The following CEACAM21 variants were observed in gnomAD, a reference collection of about 807,000 sequenced individuals.
CEACAM21 encodes CEA cell adhesion molecule 21.
In CEACAM21, 38 loss-of-function variants were observed where a neutral mutation model predicts 33.2. The observed-to-expected ratio is 1.14, with a 90% CI of 0.88 to 1.50. CEACAM21 has a LOEUF of 1.50. Among genes scored for constraint, CEACAM21 ranks in the 40% most tolerant of loss-of-function variants. CEACAM21 has a pLI of 0.00. For synonymous variants in CEACAM21, 156 were observed against 143.0 expected, an observed-to-expected ratio of 1.09 and a Z score of -0.65; for missense variants, 385 against 364.6, an observed-to-expected ratio of 1.06 and a Z score of -0.46.
intron 1 of CEACAM21, chr19:41,553,800 G>A (rs1027131093): frequency 5.9e-5 from 9 of 152,046 alleles, no homozygotes; most frequent in African/African-American, 2.2e-4. Flanking sequence ...ATTCCTTAAA[G>A]GAAAGCACAG....
intron 3 of CEACAM21, among the ~76,000 whole-genome samples, chr19:41,582,555 T>C (rs908269346): frequency 2.0e-5 from 3 of 152,256 alleles, no homozygotes; most frequent in Admixed American, 6.5e-5. Flanking sequence ...AGCATTTTCA[T>C]ACATCCTCTG....
intron 2 of CEACAM21, among the ~76,000 whole-genome samples, chr19:41,571,160 G>A (rs2042588076): frequency 6.6e-6 from 1 of 152,110 alleles, no homozygotes; most frequent in Admixed American, 6.5e-5. Context: ...GTCCCCTAGA[G>A]GGCAAAATTT....
chr19:41,555,794 TG>T (rs1429530042), intron 1 of CEACAM21, among the ~76,000 whole-genome samples: 1 of 152,318 alleles, frequency 6.6e-6, no homozygotes, highest in East Asian at 1.9e-4. Flanking sequence ...CTTTAAACTG[TG>T]TCCAAACTGC....
Position 41,579,686 on chromosome 19 carries a change from G to C in CEACAM21, c.700+58G>C, listed in dbSNP as rs901148110. 12 of 1,238,830 alleles carry C rather than the reference G, an allele frequency of 9.7e-6. No homozygotes were observed. The Admixed American group carries it at 1.8e-4, about 19-fold the overall frequency. The allele number at this position is 1,238,830 out of a possible 1,614,324, so 76.7% of individuals were successfully genotyped here. A position where few individuals can be genotyped will look rare whatever the true frequency, so the allele number is the denominator to read the frequency against. On this transcript the variant is annotated intron_variant, in intron 3 of 6. Transcript: ENST00000401445. ...CTTGTATATTTTCCTAGGAGGGAGG[G>C]GGGGTGTAAAATGATACACGGAATG...
upstream of CEACAM21, among the ~76,000 whole-genome samples, chr19:41,572,920 A>C (rs1472783129): frequency 6.6e-6 from 1 of 152,124 alleles, no homozygotes; most frequent in Non-Finnish European, 1.5e-5. Context: ...GGGACCCTCA[A>C]CATCAATCTG....
chr19:41,585,591 T>C (rs2070675373), intron 5 of CEACAM21, 96 bp downstream of exon 5: 6 of 1,348,336 alleles, frequency 4.4e-6, no homozygotes, highest in East Asian at 2.3e-5. Context: ...TCTGACCCTA[T>C]CCCTGGGGCT....
At chr19:41,553,862 T>C (rs2041374908) in intron 1 of CEACAM21, 1 of 152,114 alleles carries the variant, frequency 6.6e-6, no homozygotes, top group South Asian at 2.1e-4. Flanking sequence ...TTGTGTCCTG[T>C]TACCAAAGAA....
intron 3 of CEACAM21, among the ~76,000 whole-genome samples, chr19:41,583,312 T>G (rs2070453898): frequency 6.6e-6 from 1 of 152,198 alleles, no homozygotes; most frequent in Non-Finnish European, 1.5e-5. Flanking sequence ...CTATCAGCGT[T>G]TTAATCAAAA....
At position 41,577,477 on chromosome 19, in the gene CEACAM21, A is replaced by G. The variant is rs782654747; in HGVS notation, c.342A>G (p.Leu114=). Reference sequence around the variant, plus strand: ...ATCTGCATTTCCAGAACGTCACCCTAGAGGACACGGGATACTACAACCTAC... The same window carrying G: ...ATCTGCATTTCCAGAACGTCACCCTGGAGGACACGGGATACTACAACCTAC... ...SGDLHFQNVT[L]EDTGYYNLQV... is the part of the protein sequence containing the mutation. Residue 114 remains leucine, a synonymous_variant, in exon 2 of 7, where the codon CTA becomes CTG. Coordinates refer to ENST00000401445, the MANE Select transcript of CEACAM21 (RefSeq NM_001098506.4). 8.1e-6 allele frequency: 13 copies of G among 1,613,922 alleles called. No homozygotes were observed. Among genetic ancestry groups the G allele is most frequent in the Non-Finnish European group, 1.1e-5 (13 of 1,180,020 alleles).
chr19:41,586,068 C>A (rs1195591700), intron 6 of CEACAM21, 197 bp downstream of exon 6: 7 of 623,618 alleles, frequency 1.1e-5, no homozygotes, highest in Non-Finnish European at 1.7e-5. Flanking sequence ...CACCCTGGGA[C>A]CCTCCATCAC....
At position 41,579,606 on chromosome 19, in the gene CEACAM21, C is replaced by T; in HGVS notation, c.678C>T (p.Asp226=). 1 of 1,564,746 alleles carries T rather than the reference C, an allele frequency of 6.4e-7. No homozygotes were observed. Residue 226 remains aspartate (D), a synonymous_variant, in exon 3 of 7, where the codon GAC becomes GAT. Coordinates refer to ENST00000401445, the MANE Select transcript of CEACAM21 (RefSeq NM_001098506.4). The part of the protein sequence containing the change: ...VSNPVSSNRS[D]PLKLTVKSDD... Reference sequence around the variant, plus strand: ...ACCCAGTCAGCTCCAACAGGAGCGACCCCCTCAAGCTGACTGTAAAATGTG... The same window carrying T: ...ACCCAGTCAGCTCCAACAGGAGCGATCCCCTCAAGCTGACTGTAAAATGTG...
chr19:41,564,451 CTCAA>C (rs1555787756), intron 1 of CEACAM21, among the ~76,000 whole-genome samples: 2 of 152,088 alleles, frequency 1.3e-5, no homozygotes, highest in Non-Finnish European at 1.5e-5. Flanking sequence ...AGGTGTGCGC[CTCAA>C]TCTCCCCACC....
intron 2 of CEACAM21, among the ~76,000 whole-genome samples, chr19:41,570,075 C>G (rs2042505569): frequency 6.6e-6 from 1 of 152,180 alleles, no homozygotes; most frequent in Admixed American, 6.5e-5. Context: ...CGGCAGTCAC[C>G]CTGGTGCCAC....
At chr19:41,555,657 C>A (rs73933660) in intron 1 of CEACAM21, among the ~76,000 whole-genome samples, 1,565 of 151,396 alleles carry the variant, frequency 0.01, 31 homozygotes, top group African/African-American at 0.036. Flanking sequence ...CCAAGCCACA[C>A]AATTTTTCCA....
At chr19:41,554,832 T>C (rs1439636691) in intron 1 of CEACAM21, 1 of 152,116 alleles carries the variant, frequency 6.6e-6, no homozygotes, top group Non-Finnish European at 1.5e-5. Context: ...TCAACTTTAG[T>C]CAATATGTTT....
intron 1 of CEACAM21, among the ~76,000 whole-genome samples, chr19:41,558,956 C>T (rs530355146): frequency 1.3e-5 from 2 of 152,262 alleles, no homozygotes; most frequent in South Asian, 2.1e-4. Context: ...ATCATGTATT[C>T]ATTGGTTTGG....
At chr19:41,569,896 G>T (rs112148385) in intron 2 of CEACAM21, among the ~76,000 whole-genome samples, 1 of 152,096 alleles carries the variant, frequency 6.6e-6, no homozygotes, top group Middle Eastern at 3.2e-3. Flanking sequence ...CATTCCTGGC[G>T]TCCTCCCACA....
Position 41,581,230 on chromosome 19 carries a change from C to T in CEACAM21, c.700+1602C>T, listed in dbSNP as rs549622336. Reference sequence around the variant, plus strand: ...ACCGCTTAAAGGCGTTCTTAAGCCACAAACAATAGCATGAGCAATCTGCAT... The same window carrying T: ...ACCGCTTAAAGGCGTTCTTAAGCCATAAACAATAGCATGAGCAATCTGCAT... On this transcript the variant is annotated intron_variant, in intron 3 of 6. Coordinates refer to ENST00000401445, the MANE Select transcript of CEACAM21 (RefSeq NM_001098506.4). Among the ~76,000 whole-genome samples, 501 of 152,378 alleles carry T rather than the reference C, an allele frequency of 3.3e-3. 4 individuals carry two copies. Among genetic ancestry groups the T allele is most frequent in the African/African-American group, 0.012 (485 of 41,588 alleles).
intron 3 of CEACAM21, among the ~76,000 whole-genome samples, chr19:41,580,428 T>A (rs1555793156): frequency 6.6e-6 from 1 of 152,088 alleles, no homozygotes; most frequent in Non-Finnish European, 1.5e-5. Context: ...GAGGGCTCAG[T>A]CCCACAAAAT....
Sources: gnomAD v4.1 joint callset for allele counts (sites outside exome capture counted in the v4.1 genomes callset) on GRCh38, gnomAD v4.1.1 for gene constraint, MANE v1.5 for transcripts, NCBI Gene and HGNC (gene_info 2026-07-23, HGNC 2026-07-21) for gene names.